The following ZNF19 variants were observed in gnomAD, a reference collection of about 807,000 sequenced individuals.
ZNF19 encodes zinc finger protein 19, also known as zinc finger protein 19 (KOX 12).
ZNF19 carries 11 observed loss-of-function variants against 13.1 expected under a neutral mutation model. The observed-to-expected ratio is 0.84, with a 90% CI of 0.53 to 1.39. ZNF19 has a LOEUF of 1.39. Ranked by LOEUF, ZNF19 falls within the 40% of genes most tolerant of loss-of-function variation. The pLI is 0.00. For synonymous variants in ZNF19, 186 were observed against 187.0 expected (o/e 0.99, Z 0.04); for missense variants, 560 against 547.0 (o/e 1.02, Z -0.24).
intron 2 of ZNF19, chr16:71,482,441 CAA>C (rs969803963): frequency 3.5e-6 from 1 of 282,994 alleles, no homozygotes; most frequent in Non-Finnish European, 6.7e-6. Context: ...CGAAACCTAA[CAA>C]GAAGAATCTC....
chr16:71,475,122 C>A lies in ZNF19; in HGVS notation c.*48G>T. The A allele has an allele frequency of 6.6e-7, 1 of 1,506,576 alleles. No individual in the cohort carries two copies. Among genetic ancestry groups the A allele is most frequent in the Non-Finnish European group, 8.9e-7 (1 of 1,125,528 alleles). 93.3% of individuals were successfully genotyped at this position (1,506,576 alleles called of 1,614,324 possible). A position where few individuals can be genotyped will look rare whatever the true frequency, so the allele number is the denominator to read the frequency against. On this transcript the variant is annotated 3_prime_UTR_variant, in exon 6 of 6. Transcript: ENST00000288177. ...CAGGCCTGTGTCACACATTCCATTC[C>A]TGAGTAGAAGACGGAATCCACTCAG...
rs766112653 is a variant in ZNF19 at position 71,476,064 on chromosome 16, G to A, written c.483C>T (p.Phe161=). 5.4e-5 allele frequency: 87 copies of A among 1,614,048 alleles called. No individual in the cohort carries two copies. The highest frequency in any genetic ancestry group is 7.1e-5 in the Non-Finnish European group (84 of 1,180,028). Reference sequence around the variant, plus strand: ...AGGATTTCCCACACTCCTCACATATGAAAGGTTTCCTTGCACAGGGGATTC... The same window carrying A: ...AGGATTTCCCACACTCCTCACATATAAAAGGTTTCCTTGCACAGGGGATTC... The part of the protein sequence containing the change: ...VPRIPCARKP[F]ICEECGKSFS... The change falls in exon 6 of 6, where the codon TTC becomes TTT. Residue 161 remains phenylalanine, a synonymous_variant. Transcript: ENST00000288177.
At chr16:71,487,861 A>C (rs2043690070) in intron 1 of ZNF19, among the ~76,000 whole-genome samples, 1 of 152,238 alleles carries the variant, frequency 6.6e-6, no homozygotes, top group East Asian at 1.9e-4. Context: ...AAAAATATGT[A>C]GTTAAGCTAA....
intron 2 of ZNF19, among the ~76,000 whole-genome samples, chr16:71,483,405 C>A (rs768595182): frequency 2.0e-5 from 3 of 152,228 alleles, no homozygotes; most frequent in Non-Finnish European, 4.4e-5. Context: ...TGTGCCGCCA[C>A]CCTCTTTTCT....
chr16:71,485,045 A>T (rs938233649), intron 1 of ZNF19, among the ~76,000 whole-genome samples: 2 of 152,148 alleles, frequency 1.3e-5, no homozygotes, highest in Admixed American at 6.5e-5. Flanking sequence ...ATTCTAAAAA[A>T]CTGTTTAATT....
At chr16:71,477,787 C>T (rs557921346) in intron 5 of ZNF19, 1 of 162,274 alleles carries the variant, frequency 6.2e-6, no homozygotes, top group African/African-American at 2.4e-5. Context: ...TCAGCTCTCC[C>T]CATTTATGGC....
intron 3 of ZNF19, among the ~76,000 whole-genome samples, chr16:71,479,609 A>G (rs1421953143): frequency 1.3e-5 from 2 of 152,122 alleles, no homozygotes; most frequent in Non-Finnish European, 2.9e-5. Context: ...TCCTGGCACA[A>G]TCCACTCTGC....
At position 71,476,223 on chromosome 16, in the gene ZNF19, A is replaced by G. The variant is rs1422659717; in HGVS notation, c.324T>C (p.Ser108=). The part of the protein sequence containing the change: ...DSESTLIQGI[S]EERDGMMSHG... ...GTGACATCATCCCATCTCTTTCTTC[A>G]GAAATTCCCTGGATTAATGTGGACT... Residue 108 remains serine (S), a synonymous_variant, in exon 6 of 6, where the codon TCT becomes TCC. Coordinates refer to ENST00000288177, the MANE Select transcript of ZNF19 (RefSeq NM_006961.4). The G allele has an allele frequency of 6.2e-7, 1 of 1,613,992 alleles. No homozygotes were observed. Among genetic ancestry groups the G allele is most frequent in the African/African-American group, 1.3e-5 (1 of 74,954 alleles).
chr16:71,481,110 CA>C (rs1226239470), intron 3 of ZNF19, among the ~76,000 whole-genome samples: 10 of 152,276 alleles, frequency 6.6e-5, no homozygotes, highest in East Asian at 1.9e-4. Context: ...GAAATGGTAT[CA>C]GGGGAGAACA....
intron 3 of ZNF19, among the ~76,000 whole-genome samples, chr16:71,480,573 C>G (rs1399571602): frequency 6.6e-6 from 1 of 152,220 alleles, no homozygotes; most frequent in Non-Finnish European, 1.5e-5. Context: ...TGGAATCTGA[C>G]TCTTCTTCAC....
Position 71,476,233 on chromosome 16 carries a change from T to G in ZNF19, c.314A>C (p.Gln105Pro). The change falls in exon 6 of 6, where the codon CAG becomes CCG. Residue 105 changes from glutamine to proline, a missense_variant. Coordinates refer to ENST00000288177, the MANE Select transcript of ZNF19 (RefSeq NM_006961.4). ...TNIDSESTLI[Q>P]GISEERDGMM... ...CCCATCTCTTTCTTCAGAAATTCCC[T>G]GGATTAATGTGGACTCACTGTCAAT... is the stretch of plus-strand genomic sequence containing the variant. The G allele has an allele frequency of 1.2e-6, 2 of 1,613,886 alleles. No homozygotes were observed. The highest frequency in any genetic ancestry group is 1.7e-6 in the Non-Finnish European group (2 of 1,179,932).
chr16:71,476,407 T>A, intron 5 of ZNF19, 135 bp from the exon 6 acceptor site: 2 of 1,115,688 alleles, frequency 1.8e-6, no homozygotes, highest in Non-Finnish European at 2.5e-6. Flanking sequence ...AAAAGGCTGT[T>A]AAAGTGAAAG....
Position 71,484,648 on chromosome 16 carries a change from C to T in ZNF19, c.-89G>A, listed in dbSNP as rs1441296709. The T allele has an allele frequency of 1.0e-6, 1 of 985,300 alleles. No individual in the cohort carries two copies. The highest frequency in any genetic ancestry group is 1.7e-5 in the African/African-American group (1 of 57,234). 61.0% of individuals were successfully genotyped at this position (985,300 alleles called of 1,614,324 possible). ...GTGCGTCACTACTTTGGCCTTGCACCCAGGCTCACACGCGTACTCTCTAGG... is the reference window on the plus strand; with the variant it reads ...GTGCGTCACTACTTTGGCCTTGCACTCAGGCTCACACGCGTACTCTCTAGG... On this transcript the variant is annotated 5_prime_UTR_variant, in exon 2 of 6. Coordinates refer to ENST00000288177, the MANE Select transcript of ZNF19 (RefSeq NM_006961.4).
chr16:71,476,171 T>C lies in ZNF19; in HGVS notation c.376A>G (p.Arg126Gly). Residue 126 changes from arginine (R) to glycine (G), a missense_variant, in exon 6 of 6, where the codon AGA (arginine) becomes GGA (glycine). Arg to Gly is a moderately radical substitution (Grantham distance 125). Transcript: ENST00000288177. ...SHGQLKSVPQRTDFPETRNVE... is the reference protein window; with the variant it reads ...SHGQLKSVPQGTDFPETRNVE... The stretch of plus-strand genomic sequence containing the variant: ...TTACGTGTTTCTGGGAAGTCAGTTC[T>C]CTGAGGGACACTCTTCAGCTGACCA... The C allele has an allele frequency of 6.2e-7, 1 of 1,614,198 alleles. No homozygotes were observed. The highest frequency in any genetic ancestry group is 8.5e-7 in the Non-Finnish European group (1 of 1,180,008).
At chr16:71,482,362 G>A in intron 2 of ZNF19, 2 of 490,940 alleles carry the variant, frequency 4.1e-6, no homozygotes, top group East Asian at 6.4e-5. Context: ...TAGGACACCA[G>A]AGCCTGTCCT....
At chr16:71,478,836 T>A in intron 4 of ZNF19, 43 bp downstream of exon 4, 1 of 1,598,200 alleles carries the variant, frequency 6.3e-7, no homozygotes, top group Non-Finnish European at 8.5e-7. Context: ...GGAAGGAAAC[T>A]GGAAAAGTAC....
intron 5 of ZNF19, among the ~76,000 whole-genome samples, chr16:71,476,929 C>A (rs2043606181): frequency 1.3e-5 from 2 of 152,174 alleles, no homozygotes; most frequent in African/African-American, 4.8e-5. Context: ...CTCAAACATG[C>A]AGAGAAACTA....
intron 1 of ZNF19, among the ~76,000 whole-genome samples, chr16:71,488,723 C>T (rs758466876): frequency 5.3e-5 from 8 of 152,190 alleles, no homozygotes; most frequent in South Asian, 2.1e-4. Flanking sequence ...CACTTGAACT[C>T]GGGAGGCGGA....
chr16:71,488,439 C>G (rs1314198782), intron 1 of ZNF19, among the ~76,000 whole-genome samples: 3 of 151,812 alleles, frequency 2.0e-5, no homozygotes, highest in Admixed American at 2.0e-4. Flanking sequence ...CTGTTACTAT[C>G]TGCAGGCAAC....
Sources: gnomAD v4.1 joint callset for allele counts (sites outside exome capture counted in the v4.1 genomes callset) on GRCh38, gnomAD v4.1.1 for gene constraint, MANE v1.5 for transcripts, NCBI Gene and HGNC (gene_info 2026-07-23, HGNC 2026-07-21) for gene names.